The following PCNT variants were observed in gnomAD, a reference collection of about 807,000 sequenced individuals.
PCNT encodes the protein pericentrin, also known as kendrin.
Under a neutral mutation model 380.4 loss-of-function variants are expected in PCNT, and 319 were observed. That is an observed-to-expected ratio of 0.84 (90% CI 0.77 to 0.92). PCNT has a LOEUF of 0.92. PCNT is among the 40% of genes least tolerant of loss of function. PCNT has a pLI of 0.00. For synonymous variants in PCNT, 1,845 were observed against 1,735.2 expected, an observed-to-expected ratio of 1.06 and a Z score of -1.57; for missense variants, 4,400 against 4,255.3, an observed-to-expected ratio of 1.03 and a Z score of -0.95.
At chr21:46,390,883 G>C (rs774344662) in intron 20 of PCNT, 51 bp downstream of exon 20, 69 of 1,575,406 alleles carry the variant, frequency 4.4e-5, no homozygotes, top group Non-Finnish European at 5.8e-5. Flanking sequence ...CGGGGAGCAG[G>C]CCTGGCCTCA....
intron 27 of PCNT, among the ~76,000 whole-genome samples, chr21:46,407,785 C>T (rs2086663141): frequency 2.0e-5 from 3 of 152,122 alleles, no homozygotes; most frequent in Admixed American, 1.3e-4. Flanking sequence ...TTGAGTCTGT[C>T]TAGCTAGTAG....
intron 3 of PCNT, among the ~76,000 whole-genome samples, chr21:46,341,308 T>C (rs1353362500): frequency 1.3e-5 from 2 of 152,038 alleles, no homozygotes; most frequent in African/African-American, 4.8e-5. Flanking sequence ...GTTTTCCATA[T>C]GTCCGTTATT....
chr21:46,427,565 G>A, intron 33 of PCNT, 57 bp from the exon 34 acceptor site: 1 of 1,606,564 alleles, frequency 6.2e-7, no homozygotes. Flanking sequence ...CGAACTTTAG[G>A]GCACAAGGAT....
At chr21:46,445,227 C>G (rs754142392) in intron 46 of PCNT, 57 bp from the exon 47 acceptor site, 1 of 1,230,124 alleles carries the variant, frequency 8.1e-7, no homozygotes, top group Middle Eastern at 1.9e-4. Flanking sequence ...GAATTCTTTT[C>G]AAAAAATCTG....
intron 2 of PCNT, among the ~76,000 whole-genome samples, chr21:46,330,503 TAGG>T (rs1057370211): frequency 1.9e-4 from 29 of 152,278 alleles, no homozygotes; most frequent in African/African-American, 7.0e-4. Context: ...TACACTAAGT[TAGG>T]AATCAAATTT....
chr21:46,324,626 G>A (rs1183448688), intron 1 of PCNT, among the ~76,000 whole-genome samples: 1 of 151,240 alleles, frequency 6.6e-6, no homozygotes, highest in Non-Finnish European at 1.5e-5. Flanking sequence ...TGCAGGGCGG[G>A]GCTACAGGGG....
intron 29 of PCNT, among the ~76,000 whole-genome samples, chr21:46,415,577 G>A (rs980750151): frequency 2.0e-5 from 3 of 151,724 alleles, no homozygotes; most frequent in African/African-American, 7.3e-5. Flanking sequence ...TAGAGACAGG[G>A]TTTCACCATT....
At chr21:46,360,479 TC>T (rs2084669875) in intron 13 of PCNT, among the ~76,000 whole-genome samples, 1 of 145,854 alleles carries the variant, frequency 6.9e-6, no homozygotes. Flanking sequence ...TGCCTCGGAC[TC>T]CCAAAGTGCT....
chr21:46,390,557 C>G (rs1349296824), intron 19 of PCNT, 113 bp from the exon 20 acceptor site: 9 of 1,141,540 alleles, frequency 7.9e-6, no homozygotes, highest in African/African-American at 7.6e-5. Flanking sequence ...CTGGCCCTGC[C>G]TGGGTGGTGA....
At chr21:46,434,114 C>G (rs1055955777) in intron 38 of PCNT, among the ~76,000 whole-genome samples, 18 of 152,340 alleles carry the variant, frequency 1.2e-4, no homozygotes, top group African/African-American at 3.4e-4. Context: ...TGAATTTGAT[C>G]TGGATTATAG....
At position 46,385,710 on chromosome 21, in the gene PCNT, A is replaced by G. The variant is rs373296589; in HGVS notation, c.3313-122A>G. 2.5e-4 allele frequency: 264 copies of G among 1,072,068 alleles called. 2 individuals carry two copies. In the South Asian group the frequency reaches 3.2e-3, roughly 13 times the overall value. The allele number at this position is 1,072,068 out of a possible 1,614,324, so 66.4% of individuals were successfully genotyped here. A position where few individuals can be genotyped will look rare whatever the true frequency, so the allele number is the denominator to read the frequency against. Reference sequence around the variant, plus strand: ...AAGTGCCTGCTCCTTTTGCCCCATCACCAAGCTGAAAAGTCCTAAGTCAGA... The same window carrying G: ...AAGTGCCTGCTCCTTTTGCCCCATCGCCAAGCTGAAAAGTCCTAAGTCAGA... On this transcript the variant is annotated intron_variant, in intron 16 of 46. Coordinates refer to ENST00000359568, the MANE Select transcript of PCNT (RefSeq NM_006031.6).
intron 18 of PCNT, 96 bp from the exon 19 acceptor site, chr21:46,389,103 G>T (rs1234341358): frequency 7.3e-7 from 1 of 1,367,994 alleles, no homozygotes; most frequent in Non-Finnish European, 1.0e-6. Flanking sequence ...CTGGGGCGAC[G>T]TTCTGAGTTC....
At chr21:46,398,940 C>A (rs1342107583) in intron 24 of PCNT, among the ~76,000 whole-genome samples, 1 of 151,454 alleles carries the variant, frequency 6.6e-6, no homozygotes, top group Non-Finnish European at 1.5e-5. Flanking sequence ...CTGCCTCAGC[C>A]TCCCGAGTAG....
At chr21:46,436,208 C>A (rs1400004396) in intron 39 of PCNT, 60 bp downstream of exon 39, 5 of 1,591,114 alleles carry the variant, frequency 3.1e-6, no homozygotes, top group Non-Finnish European at 4.3e-6. Flanking sequence ...CTGTCCCAGA[C>A]CCGGCCCGAG....
intron 19 of PCNT, 135 bp from the exon 20 acceptor site, chr21:46,390,535 C>T (rs2085996446): frequency 7.8e-6 from 7 of 901,214 alleles, no homozygotes; most frequent in South Asian, 2.7e-5. Flanking sequence ...GCTCAGGTCC[C>T]GTCACCCTGG....
chr21:46,388,743 G>A lies in PCNT; in HGVS notation c.3466G>A (p.Gly1156Arg), dbSNP rs1191693944. The change falls in exon 18 of 47, where the codon GGG becomes AGG. Residue 1156 changes from glycine (G) to arginine (R), a missense_variant and splice_region_variant. Coordinates refer to ENST00000359568, the MANE Select transcript of PCNT (RefSeq NM_006031.6). The surrounding 1 kb of genome is among the most constrained non-coding windows in gnomAD (Gnocchi z 4.2). ...ADVNLSHSER[G>R]ALQDALRRLL... ...GATGATGGGTGTCTCCTGTCTCAGA[G>A]GGGCCCTCCAGGACGCCCTGCGCAG... 1.2e-6 allele frequency: 2 copies of A among 1,613,650 alleles called. No individual in the cohort carries two copies. Among genetic ancestry groups the A allele is most frequent in the Non-Finnish European group, 1.7e-6 (2 of 1,179,984 alleles).
At chr21:46,385,575 G>C (rs542871525) in intron 16 of PCNT, among the ~76,000 whole-genome samples, 1 of 152,108 alleles carries the variant, frequency 6.6e-6, no homozygotes, top group Non-Finnish European at 1.5e-5. Context: ...TCAGCACCTC[G>C]TTCACCTTTG....
chr21:46,438,040 A>T (rs2148059527), intron 40 of PCNT, 124 bp from the exon 41 acceptor site: 2 of 811,652 alleles, frequency 2.5e-6, no homozygotes, highest in East Asian at 5.4e-5. Flanking sequence ...CAGCTCCACA[A>T]GCTTCTCATT....
At chr21:46,409,438 TTG>T (rs2086716583) in intron 27 of PCNT, among the ~76,000 whole-genome samples, 1 of 152,174 alleles carries the variant, frequency 6.6e-6, no homozygotes, top group Admixed American at 6.5e-5. Context: ...TCCGCCTGCC[TTG>T]GCCTCCCAAA....
Sources: allele counts gnomAD v4.1 joint callset (sites outside exome capture counted in the v4.1 genomes callset), GRCh38; gene constraint gnomAD v4.1.1; non-coding constraint Gnocchi (gnomAD v3.1); transcripts MANE v1.5; gene names NCBI Gene and HGNC (gene_info 2026-07-23, HGNC 2026-07-21).